DGKB: variants seen among roughly 807,000 people sequenced by gnomAD.
DGKB encodes the protein 90 kDa diacylglycerol kinase.
In DGKB, 67 loss-of-function variants were observed where a neutral mutation model predicts 114.3. The observed-to-expected ratio is 0.59, with a 90% confidence interval of 0.48 to 0.72. The LOEUF is 0.72. DGKB is among the 30% of genes least tolerant of loss of function. The probability of loss-of-function intolerance (pLI) is 0.00; values close to 1 mark genes in which losing one functional copy is unlikely to be tolerated. For synonymous variants in DGKB, 398 were observed against 323.1 expected (o/e 1.23, Z -2.49); for missense variants, 907 against 975.2 (o/e 0.93, Z 0.93).
chr7:14,184,066 C>G (rs1014573414), intron 23 of DGKB, among the ~76,000 whole-genome samples: 3 of 152,146 alleles, frequency 2.0e-5, no homozygotes, highest in Non-Finnish European at 4.4e-5. Flanking sequence ...TCCGGCTTTA[C>G]TTGGAGCTGA....
chr7:14,868,404 G>A (rs943406801), intron 1 of DGKB, among the ~76,000 whole-genome samples: 14 of 150,218 alleles, frequency 9.3e-5, no homozygotes, highest in Non-Finnish European at 1.6e-4. Flanking sequence ...GGAGGATCTC[G>A]GCTCACTGCA....
chr7:14,197,766 A>G lies in DGKB; in HGVS notation c.2123-19615T>C, dbSNP rs976770092. ...TATTATTAGAAAGGTCTGTTTCTCA[A>G]ATAACAATTGTACAGCTGAGATACA... On this transcript the variant is annotated intron_variant, in intron 23 of 25. Transcript: ENST00000402815. 2.7e-4 allele frequency among the ~76,000 whole-genome samples: 41 copies of G among 152,148 alleles called. 1 individual carries two copies. Among genetic ancestry groups the G allele is most frequent in the African/African-American group, 9.7e-4 (40 of 41,440 alleles).
chr7:14,799,018 C>T (rs1416866856), intron 2 of DGKB, among the ~76,000 whole-genome samples: 2 of 152,188 alleles, frequency 1.3e-5, no homozygotes, highest in African/African-American at 4.8e-5. Flanking sequence ...TGGCAATTCC[C>T]ACCATATCCT....
chr7:14,230,610 T>G (rs1197575207), intron 23 of DGKB, among the ~76,000 whole-genome samples: 1 of 152,044 alleles, frequency 6.6e-6, no homozygotes, highest in Non-Finnish European at 1.5e-5. Flanking sequence ...TATTGTAACA[T>G]TGCCACATTT....
chr7:14,586,200 A>G (rs1302174052), intron 17 of DGKB, among the ~76,000 whole-genome samples: 1 of 152,174 alleles, frequency 6.6e-6, no homozygotes, highest in African/African-American at 2.4e-5. Context: ...GAAGGAAATT[A>G]AAAGTGTTAC....
At chr7:14,650,878 A>C (rs1293650924) in intron 13 of DGKB, among the ~76,000 whole-genome samples, 1 of 151,978 alleles carries the variant, frequency 6.6e-6, no homozygotes, top group African/African-American at 2.4e-5. Context: ...CCTCTACGCA[A>C]ATAAACTAGA....
At chr7:14,786,898 C>G (rs978163195) in intron 2 of DGKB, among the ~76,000 whole-genome samples, 3 of 146,856 alleles carry the variant, frequency 2.0e-5, no homozygotes, top group Non-Finnish European at 4.4e-5. Context: ...AGGCAGATGA[C>G]GGGGTGACTG....
intron 13 of DGKB, among the ~76,000 whole-genome samples, chr7:14,648,328 TCCCTGA>T (rs1375307899): frequency 6.6e-6 from 1 of 152,066 alleles, no homozygotes; most frequent in Non-Finnish European, 1.5e-5. Flanking sequence ...CTCAAGTGGG[TCCCTGA>T]CCCCTGACCC....
chr7:14,565,117 A>C (rs552980340), intron 20 of DGKB, among the ~76,000 whole-genome samples: 3 of 152,192 alleles, frequency 2.0e-5, no homozygotes, highest in Non-Finnish European at 2.9e-5. Context: ...ATGACACATT[A>C]GCAAGCTGGA....
chr7:14,700,166 A>G (rs1192005002), intron 7 of DGKB, among the ~76,000 whole-genome samples: 4 of 152,068 alleles, frequency 2.6e-5, no homozygotes, highest in Non-Finnish European at 5.9e-5. Context: ...TCTAATGGGA[A>G]ACTGAAGACC....
At chr7:14,781,775 C>A (rs58312995) in intron 2 of DGKB, among the ~76,000 whole-genome samples, 3,245 of 152,238 alleles carry the variant, frequency 0.021, 85 homozygotes, top group African/African-American at 0.069. Flanking sequence ...GGCTTATCCT[C>A]ATTACTGTAC....
chr7:14,243,186 C>T (rs1793940876), intron 23 of DGKB, among the ~76,000 whole-genome samples: 1 of 151,994 alleles, frequency 6.6e-6, no homozygotes, highest in South Asian at 2.1e-4. Flanking sequence ...CTGAAGTGAA[C>T]ACTTGCTTAT....
At chr7:14,863,777 C>T (rs1373798732) in intron 1 of DGKB, among the ~76,000 whole-genome samples, 1 of 151,628 alleles carries the variant, frequency 6.6e-6, no homozygotes, top group Non-Finnish European at 1.5e-5. Context: ...GATTCTGGGG[C>T]AGTATATGTT....
chr7:14,369,952 T>G (rs1276700422), intron 21 of DGKB, among the ~76,000 whole-genome samples: 2 of 152,236 alleles, frequency 1.3e-5, no homozygotes, highest in African/African-American at 4.8e-5. Context: ...TTCATTTCAT[T>G]AGATCCCATT....
At chr7:14,737,449 G>T (rs527735939) in intron 4 of DGKB, among the ~76,000 whole-genome samples, 31 of 152,066 alleles carry the variant, frequency 2.0e-4, no homozygotes, top group African/African-American at 7.2e-4. Context: ...AATACTGGGG[G>T]AAAGACATGG....
chr7:14,347,221 T>C (rs889222229), intron 21 of DGKB, among the ~76,000 whole-genome samples: 2 of 151,958 alleles, frequency 1.3e-5, no homozygotes, highest in Non-Finnish European at 2.9e-5. Context: ...TTCCCTACAC[T>C]GTCTCAAAAC....
intron 23 of DGKB, among the ~76,000 whole-genome samples, chr7:14,216,447 C>G (rs1310276641): frequency 6.6e-6 from 1 of 152,044 alleles, no homozygotes; most frequent in Non-Finnish European, 1.5e-5. Flanking sequence ...TATAGCAGGC[C>G]GGGCACAGTG....
At chr7:14,730,669 T>C (rs927398384) in intron 5 of DGKB, among the ~76,000 whole-genome samples, 2 of 152,098 alleles carry the variant, frequency 1.3e-5, no homozygotes, top group African/African-American at 4.8e-5. Context: ...ACTCTGATTT[T>C]ATCACCTTCT....
At chr7:14,152,969 C>T (rs1378532240) in intron 25 of DGKB, among the ~76,000 whole-genome samples, 1 of 152,032 alleles carries the variant, frequency 6.6e-6, no homozygotes, top group Non-Finnish European at 1.5e-5. Flanking sequence ...AAGTCCACTC[C>T]CATAAAACAT....
Sources: allele counts gnomAD v4.1 joint callset (sites outside exome capture counted in the v4.1 genomes callset), GRCh38; gene constraint gnomAD v4.1.1; transcripts MANE v1.5; gene names NCBI Gene and HGNC (gene_info 2026-07-23, HGNC 2026-07-21).